Variants in MALRD1 observed in about 807,000 individuals in gnomAD.
MALRD1 encodes MAM and LDL-receptor class A domain-containing protein 1.
Under a neutral mutation model 242.1 loss-of-function variants are expected in MALRD1, and 247 were observed. The ratio of observed to expected loss-of-function variants is 1.02; its 90% CI spans 0.92 to 1.13. MALRD1 has a LOEUF of 1.13. Among genes scored for constraint, MALRD1 ranks in the 50% most tolerant of loss-of-function variants. The pLI is 0.00. For missense variants in MALRD1, 2,989 were observed against 2,533.1 expected (o/e 1.18, Z -3.86); for synonymous variants, 995 against 866.6 (o/e 1.15, Z -2.60).
At chr10:19,533,876 G>A (rs570909123) in intron 32 of MALRD1, among the ~76,000 whole-genome samples, 39 of 152,308 alleles carry the variant, frequency 2.6e-4, no homozygotes, top group African/African-American at 6.3e-4. Flanking sequence ...CTTTTACCAC[G>A]TCCGTGGGTG....
chr10:19,558,045 C>T (rs962429584), intron 32 of MALRD1, among the ~76,000 whole-genome samples: 6 of 151,146 alleles, frequency 4.0e-5, no homozygotes, highest in African/African-American at 1.5e-4. Flanking sequence ...TTTTGAATTT[C>T]AATTGTTCAT....
intron 36 of MALRD1, among the ~76,000 whole-genome samples, chr10:19,656,552 A>G (rs1011636091): frequency 6.6e-6 from 1 of 151,862 alleles, no homozygotes; most frequent in Non-Finnish European, 1.5e-5. Context: ...GGCCCAAGCA[A>G]CCCTGGCAGT....
At chr10:19,383,314 G>A (rs928711709) in intron 26 of MALRD1, among the ~76,000 whole-genome samples, 2 of 152,048 alleles carry the variant, frequency 1.3e-5, no homozygotes, top group Non-Finnish European at 2.9e-5. Context: ...TTGGCTTTCT[G>A]TTCCTGTGTT....
At chr10:19,176,762 G>A (rs551823694) in intron 14 of MALRD1, among the ~76,000 whole-genome samples, 3 of 152,186 alleles carry the variant, frequency 2.0e-5, no homozygotes, top group South Asian at 2.1e-4. Flanking sequence ...TAAGCTCTGC[G>A]CATGTGTTCA....
At chr10:19,467,874 A>G (rs1836300106) in intron 29 of MALRD1, among the ~76,000 whole-genome samples, 2 of 151,856 alleles carry the variant, frequency 1.3e-5, no homozygotes, top group African/African-American at 2.4e-5. Flanking sequence ...GCTCACTGCA[A>G]CCTCTGCCTC....
At chr10:19,545,761 G>A (rs1310105887) in intron 32 of MALRD1, among the ~76,000 whole-genome samples, 1 of 152,082 alleles carries the variant, frequency 6.6e-6, no homozygotes, top group Non-Finnish European at 1.5e-5. Context: ...GCAAACTTCT[G>A]GACCTTTCCC....
intron 18 of MALRD1, among the ~76,000 whole-genome samples, chr10:19,243,849 ACAAAGTATGTGTTTCCAGAAGGCTT>A (rs1378767001): frequency 1.3e-5 from 2 of 152,198 alleles, no homozygotes; most frequent in Non-Finnish European, 2.9e-5. Flanking sequence ...GAGGCTGAAA[ACAAAGTATGTGTTTCCAGAAGGCTT>A]AATAGAATAT....
intron 21 of MALRD1, among the ~76,000 whole-genome samples, chr10:19,290,774 A>G (rs1841379839): frequency 6.6e-6 from 1 of 152,306 alleles, no homozygotes; most frequent in Middle Eastern, 3.4e-3. Context: ...CATTGAATCA[A>G]GATACTTGGA....
intron 28 of MALRD1, among the ~76,000 whole-genome samples, chr10:19,418,072 T>C (rs1833579045): frequency 6.6e-6 from 1 of 152,146 alleles, no homozygotes. Context: ...CAAATTTTTT[T>C]AATATCGATG....
chr10:19,204,841 T>C, intron 16 of MALRD1, 57 bp from the exon 17 acceptor site: 5 of 1,448,838 alleles, frequency 3.5e-6, no homozygotes, highest in Non-Finnish European at 4.6e-6. Flanking sequence ...ATCTAAAGGT[T>C]AAATATGTAG....
intron 32 of MALRD1, among the ~76,000 whole-genome samples, chr10:19,566,298 A>ATTTTTTTTTTTTT (rs10548629): frequency 4.5e-4 from 50 of 111,056 alleles, no homozygotes; most frequent in Admixed American, 6.6e-4. Context: ...TGCCTGGCTA[A>ATTTTTTTTTTTTT]TTTTTTTTTT....
intron 36 of MALRD1, among the ~76,000 whole-genome samples, chr10:19,687,431 A>G (rs1475273242): frequency 6.6e-6 from 1 of 151,954 alleles, no homozygotes; most frequent in African/African-American, 2.4e-5. Flanking sequence ...CCACCAACCC[A>G]CTTAGCCACT....
At chr10:19,447,116 A>G (rs1192756598) in intron 28 of MALRD1, among the ~76,000 whole-genome samples, 1 of 151,454 alleles carries the variant, frequency 6.6e-6, no homozygotes, top group African/African-American at 2.4e-5. Context: ...CATGAGCAAG[A>G]CTGAGAGTGC....
At chr10:19,512,375 A>G (rs12772738) in intron 31 of MALRD1, among the ~76,000 whole-genome samples, 63,808 of 152,086 alleles carry the variant, frequency 0.42, 14,119 homozygotes, top group Non-Finnish European at 0.5. Flanking sequence ...GAGAATAGAT[A>G]TTATTGCCAT....
At chr10:19,271,322 C>T (rs2499073) in intron 19 of MALRD1, among the ~76,000 whole-genome samples, 70,186 of 151,948 alleles carry the variant, frequency 0.46, 16,542 homozygotes, top group South Asian at 0.67. Context: ...GAAAATACCA[C>T]ATGGCATTGG....
chr10:19,445,449 T>C (rs1037754512), intron 28 of MALRD1, among the ~76,000 whole-genome samples: 5 of 152,216 alleles, frequency 3.3e-5, no homozygotes, highest in African/African-American at 1.2e-4. Flanking sequence ...TGTGGTTTTA[T>C]CTACCTTTGG....
chr10:19,281,281 C>T (rs1030380975), intron 20 of MALRD1, among the ~76,000 whole-genome samples: 2 of 152,100 alleles, frequency 1.3e-5, no homozygotes, highest in African/African-American at 2.4e-5. Flanking sequence ...GGTGTTCAGA[C>T]TTGCTCATCG....
At chr10:19,392,544 GC>G (rs1169898621) in intron 28 of MALRD1, among the ~76,000 whole-genome samples, 1 of 152,126 alleles carries the variant, frequency 6.6e-6, no homozygotes, top group Non-Finnish European at 1.5e-5. Flanking sequence ...ACAAAGCAAA[GC>G]TATTGCTTTT....
intron 21 of MALRD1, 106 bp downstream of exon 21, chr10:19,283,287 C>G: frequency 1.0e-6 from 1 of 954,610 alleles, no homozygotes; most frequent in African/African-American, 1.7e-5. Context: ...ACTGTAAAGA[C>G]AAATGTTAAG....
Sources: gnomAD v4.1 joint callset for allele counts (sites outside exome capture counted in the v4.1 genomes callset) on GRCh38, gnomAD v4.1.1 for gene constraint, MANE v1.5 for transcripts, NCBI Gene and HGNC (gene_info 2026-07-23, HGNC 2026-07-21) for gene names.